KLHL6: variants seen among roughly 807,000 people sequenced by gnomAD.
KLHL6 encodes kelch like family member 6, also known as kelch-like protein 6.
In KLHL6, 41 loss-of-function variants were observed where a neutral mutation model predicts 58.6. That is an observed-to-expected ratio of 0.70 (90% confidence interval 0.55 to 0.91). The LOEUF is 0.91. Among genes scored for constraint, KLHL6 ranks in the 40% least tolerant of loss-of-function variants. KLHL6 has a pLI of 0.00. For synonymous variants in KLHL6, 338 were observed against 322.7 expected (o/e 1.05, Z -0.51); for missense variants, 714 against 805.6 (o/e 0.89, Z 1.38).
At chr3:183,533,814 T>C (rs1359228736) in intron 1 of KLHL6, among the ~76,000 whole-genome samples, 2 of 151,990 alleles carry the variant, frequency 1.3e-5, no homozygotes, top group Non-Finnish European at 2.9e-5. Context: ...TTTTAATCAA[T>C]GGTAACCCTC....
At chr3:183,544,715 CCT>C in intron 1 of KLHL6, 1 of 152,032 alleles carries the variant, frequency 6.6e-6, no homozygotes, top group Non-Finnish European at 1.4e-5. Flanking sequence ...GGCCTCTCCG[CCT>C]TTCTATCTTC....
intron 2 of KLHL6, among the ~76,000 whole-genome samples, chr3:183,526,082 C>T (rs994825828): frequency 3.3e-5 from 5 of 151,868 alleles, no homozygotes; most frequent in Admixed American, 6.6e-5. Context: ...CCGAGGCGGG[C>T]GGATCACCTG....
chr3:183,492,654 C>T lies in KLHL6; in HGVS notation c.1404G>A (p.Lys468=). ...VSSFAATSHK[K]KLYVIGGGPN... ...GCCCTCCCCCGATCACATACAGCTTCTTCTTATGGCTGGTGGCTGCAAAGG... is the reference window on the plus strand; with the variant it reads ...GCCCTCCCCCGATCACATACAGCTTTTTCTTATGGCTGGTGGCTGCAAAGG... Residue 468 remains lysine (K), a synonymous_variant, in exon 6 of 7, where the codon AAG becomes AAA. Transcript: ENST00000341319. This position sits in a 1 kb window ranked among gnomAD's most constrained non-coding sequence, Gnocchi z 5.9. The T allele has an allele frequency of 6.2e-7, 1 of 1,614,090 alleles. No homozygotes were observed. Among genetic ancestry groups the T allele is most frequent in the Non-Finnish European group, 8.5e-7 (1 of 1,180,042 alleles).
chr3:183,506,403 T>C (rs1323251025), intron 3 of KLHL6, among the ~76,000 whole-genome samples: 2 of 152,210 alleles, frequency 1.3e-5, no homozygotes, highest in Non-Finnish European at 2.9e-5. Context: ...GATCTAGAGA[T>C]GTAAAGTGCA....
At chr3:183,535,044 A>C (rs1409375659) in intron 1 of KLHL6, among the ~76,000 whole-genome samples, 2 of 151,360 alleles carry the variant, frequency 1.3e-5, no homozygotes, top group African/African-American at 4.9e-5. Flanking sequence ...TCCCGGATTC[A>C]AGCGATTCTC....
intron 1 of KLHL6, chr3:183,548,756 A>G (rs1712808422): frequency 6.6e-6 from 1 of 152,242 alleles, no homozygotes; most frequent in Non-Finnish European, 1.5e-5. Flanking sequence ...AAAGAGTCAG[A>G]AAGCCCAGGT....
intron 1 of KLHL6, chr3:183,548,791 T>C (rs1030155732): frequency 2.7e-5 from 4 of 148,208 alleles, no homozygotes; most frequent in Non-Finnish European, 4.4e-5. Context: ...CAAGAACATA[T>C]ACACCATGGA....
Position 183,499,848 on chromosome 3 carries a change from A to G in KLHL6, c.910-21T>C. 1 of 1,543,594 alleles carries G rather than the reference A, an allele frequency of 6.5e-7. No homozygotes were observed. Among genetic ancestry groups the G allele is most frequent in the Non-Finnish European group, 8.8e-7 (1 of 1,138,952 alleles). The stretch of plus-strand genomic sequence containing the variant: ...ATGATCTGGAAATCGATGGGGGTAC[A>G]TGAAGGCAGGGACAACACAAAGTTT... On this transcript the variant is annotated intron_variant, in intron 3 of 6. Coordinates refer to ENST00000341319, the MANE Select transcript of KLHL6 (RefSeq NM_130446.4). The surrounding 1 kb of genome is among the most constrained non-coding windows in gnomAD (Gnocchi z 4.6).
intron 1 of KLHL6, among the ~76,000 whole-genome samples, chr3:183,550,944 T>C (rs1011790449): frequency 2.0e-5 from 3 of 151,328 alleles, no homozygotes; most frequent in Admixed American, 2.0e-4. Context: ...CATGGTGAAA[T>C]CCTGTCTGTA....
chr3:183,524,365 TCTTA>T (rs1480060489), intron 2 of KLHL6, among the ~76,000 whole-genome samples: 1 of 152,216 alleles, frequency 6.6e-6, no homozygotes, highest in Non-Finnish European at 1.5e-5. Context: ...TAGATGCTTC[TCTTA>T]CTTTTACCTT....
At chr3:183,546,323 A>C (rs1560111452) in intron 1 of KLHL6, among the ~76,000 whole-genome samples, 1 of 152,202 alleles carries the variant, frequency 6.6e-6, no homozygotes, top group Non-Finnish European at 1.5e-5. Flanking sequence ...CAGGCCTAGC[A>C]AATAGTTTTG....
chr3:183,555,176 A>G (rs1448232222), intron 1 of KLHL6, among the ~76,000 whole-genome samples, 185 bp downstream of exon 1: 2 of 152,188 alleles, frequency 1.3e-5, no homozygotes, highest in Admixed American at 1.3e-4. Context: ...AAAAATAAAT[A>G]AATAAATAAA....
intron 2 of KLHL6, among the ~76,000 whole-genome samples, chr3:183,515,797 A>T (rs763044540): frequency 2.6e-5 from 4 of 152,206 alleles, no homozygotes; most frequent in Admixed American, 6.5e-5. Context: ...TTCTAGCAGC[A>T]TCTAGCAGAA....
intron 1 of KLHL6, among the ~76,000 whole-genome samples, chr3:183,546,544 C>T (rs571700866): frequency 2.5e-4 from 38 of 152,228 alleles, no homozygotes; most frequent in Non-Finnish European, 5.1e-4. Flanking sequence ...GGTCCTGGCC[C>T]CTGTCTAGCC....
chr3:183,551,201 T>C (rs531225814), intron 1 of KLHL6, among the ~76,000 whole-genome samples: 48 of 151,878 alleles, frequency 3.2e-4, no homozygotes, highest in African/African-American at 1.1e-3. Context: ...CAGGGTAAGA[T>C]GGTAAACCAG....
At chr3:183,523,962 T>C (rs966188754) in intron 2 of KLHL6, among the ~76,000 whole-genome samples, 48 of 152,206 alleles carry the variant, frequency 3.2e-4, no homozygotes, top group African/African-American at 1.1e-3. Flanking sequence ...GGTTTCATCA[T>C]GTTGGCCAGG....
rs570777054 is a variant in KLHL6 at position 183,535,800 on chromosome 3, G to A, written c.294-7790C>T. ...ACGGCTTCCGAATTCTTTTTGAGAC[G>A]AGTCTCGCTCTGTCGCCCAGGCTGG... is the stretch of plus-strand genomic sequence containing the variant. On this transcript the variant is annotated intron_variant, in intron 1 of 6. Coordinates refer to ENST00000341319, the MANE Select transcript of KLHL6 (RefSeq NM_130446.4). 4.9e-3 allele frequency among the ~76,000 whole-genome samples: 671 copies of A among 137,652 alleles called. 3 individuals carry two copies. The highest frequency in any genetic ancestry group is 6.8e-3 in the Non-Finnish European group (458 of 67,792). 90.3% of individuals were successfully genotyped at this position (137,652 alleles called of 152,430 possible).
chr3:183,553,847 A>C (rs960170409), intron 1 of KLHL6, among the ~76,000 whole-genome samples: 2 of 152,186 alleles, frequency 1.3e-5, no homozygotes, highest in Non-Finnish European at 2.9e-5. Context: ...TGTCTGGCAC[A>C]CAGCAGCCAC....
In KLHL6 at chr3:183,508,358, T is replaced by A; in HGVS notation, c.610A>T (p.Ile204Phe). 1 of 1,614,174 alleles carries A rather than the reference T, an allele frequency of 6.2e-7. No individual in the cohort carries two copies. Among genetic ancestry groups the A allele is most frequent in the Middle Eastern group, 1.6e-4 (1 of 6,062 alleles). Reference protein sequence around the residue: ...QSYIIQNFVQILNSEEFLDLP... With the variant: ...QSYIIQNFVQFLNSEEFLDLP... ...TCAAGAAACTCCTCAGAGTTCAGAA[T>A]CTGCACAAAGTTTTGAATGATGTAA... is the stretch of plus-strand genomic sequence containing the variant. Residue 204 changes from isoleucine to phenylalanine, a missense_variant, in exon 3 of 7, where the codon ATT (isoleucine) becomes TTT (phenylalanine). Physicochemically the swap from Ile to Phe is conservative, Grantham distance 21. This residue lies in a region of KLHL6 where 510 missense variants were observed against 629.7 expected (regional missense o/e 0.81). Transcript: ENST00000341319.
Sources: allele counts gnomAD v4.1 joint callset (sites outside exome capture counted in the v4.1 genomes callset), GRCh38; gene constraint gnomAD v4.1.1; regional missense constraint gnomAD v4.1.1; non-coding constraint Gnocchi (gnomAD v3.1); transcripts MANE v1.5; gene names NCBI Gene and HGNC (gene_info 2026-07-23, HGNC 2026-07-21).